UHRF2: variants seen among roughly 807,000 people sequenced by gnomAD.
The protein encoded by UHRF2 is E3 ubiquitin-protein ligase UHRF2.
A neutral mutation model predicts 96.8 loss-of-function variants in UHRF2; 23 were observed. The ratio of observed to expected loss-of-function variants is 0.24; its 90% CI spans 0.17 to 0.34. The LOEUF (loss-of-function observed/expected upper bound fraction) is 0.34. Ranked by LOEUF, UHRF2 falls within the 10% of genes least tolerant of loss-of-function variation. UHRF2 has a pLI of 1.00. For missense variants in UHRF2, 685 were observed against 981.5 expected, an observed-to-expected ratio of 0.70 and a Z score of 4.04; for synonymous variants, 385 against 332.6, an observed-to-expected ratio of 1.16 and a Z score of -1.72.
At position 6,499,992 on chromosome 9, in the gene UHRF2, G is replaced by T. The variant is rs566738089; in HGVS notation, c.2005+61G>T. 353 of 1,343,160 alleles carry T rather than the reference G, an allele frequency of 2.6e-4. No individual in the cohort carries two copies. In the African/African-American group the frequency reaches 4.5e-3, roughly 17 times the overall value. 83.2% of individuals were successfully genotyped at this position (1,343,160 alleles called of 1,614,324 possible). ...ATACTTTTGTTGTTGTTGTTGTTGAGACGGGGTCTCACTCTTGTCACCCAG... is the reference window on the plus strand; with the variant it reads ...ATACTTTTGTTGTTGTTGTTGTTGATACGGGGTCTCACTCTTGTCACCCAG... On this transcript the variant is annotated intron_variant, in intron 13 of 15. Transcript: ENST00000276893.
chr9:6,497,178 ACTT>A lies in UHRF2; in HGVS notation c.1605-16_1605-14del. On this transcript the variant is annotated splice_polypyrimidine_tract_variant and intron_variant, in intron 10 of 15. Transcript: ENST00000276893. ...TGAAGAAAAATTACATGGTATAAAG[ACTT>A]CTTTGTTGTTTTTTAGGGCATTGGC... The A allele has an allele frequency of 6.2e-7, 1 of 1,610,292 alleles. No homozygotes were observed. The highest frequency in any genetic ancestry group is 8.5e-7 in the Non-Finnish European group (1 of 1,178,528).
In UHRF2 at chr9:6,434,147, C is replaced by T. The variant is rs199593988; in HGVS notation, c.618C>T (p.Asp206=). Residue 206 remains aspartate, a synonymous_variant, in exon 3 of 16, where the codon GAC becomes GAT. Coordinates refer to ENST00000276893, the MANE Select transcript of UHRF2 (RefSeq NM_152896.3). ...SNSDCVAADE[D]VIYHIQYDEY... ...CAGACTGTGTTGCTGCTGATGAAGA[C>T]GTTATTTACCATATCCAGTATGATG... 1.3e-5 allele frequency: 21 copies of T among 1,613,852 alleles called. No individual in the cohort carries two copies. The African/African-American group carries it at 1.3e-4, about 10-fold the overall frequency.
intron 10 of UHRF2, chr9:6,495,827 T>G (rs1227268298): frequency 6.6e-6 from 1 of 152,224 alleles, no homozygotes; most frequent in Non-Finnish European, 1.5e-5. Context: ...AAGGTATCTG[T>G]GAGCATTAAA....
At chr9:6,500,434 C>A in intron 13 of UHRF2, 118 bp from the exon 14 acceptor site, 1 of 804,454 alleles carries the variant, frequency 1.2e-6, no homozygotes, top group Non-Finnish European at 1.8e-6. Context: ...AAATTAGATG[C>A]TGTTTTATGT....
At chr9:6,481,610 G>A (rs746988049) in intron 6 of UHRF2, 33 bp from the exon 7 acceptor site, 2 of 1,602,740 alleles carry the variant, frequency 1.2e-6, no homozygotes, top group Non-Finnish European at 1.7e-6. Context: ...ATGGTATTGT[G>A]AAAATGCCTT....
chr9:6,454,982 T>C (rs1822090607), intron 3 of UHRF2, among the ~76,000 whole-genome samples: 1 of 152,210 alleles, frequency 6.6e-6, no homozygotes, highest in Admixed American at 6.5e-5. Flanking sequence ...ATGATGTTGA[T>C]GCTGCTGATC....
intron 4 of UHRF2, among the ~76,000 whole-genome samples, chr9:6,471,770 G>A (rs1162221371): frequency 1.3e-5 from 2 of 152,134 alleles, no homozygotes; most frequent in African/African-American, 2.4e-5. Flanking sequence ...AGGGGCTAGA[G>A]TACTCTTTAA....
intron 10 of UHRF2, 24 bp from the exon 11 acceptor site, chr9:6,497,174 A>G (rs773109285): frequency 1.9e-6 from 3 of 1,609,892 alleles, no homozygotes; most frequent in East Asian, 2.2e-5. Context: ...TACATGGTAT[A>G]AAGACTTCTT....
intron 2 of UHRF2, among the ~76,000 whole-genome samples, chr9:6,428,564 T>G (rs1451137945): frequency 4.9e-5 from 4 of 81,576 alleles, no homozygotes; most frequent in Non-Finnish European, 6.9e-5. Flanking sequence ...TTTTTTTTTT[T>G]TTTTTTTGAA....
intron 3 of UHRF2, among the ~76,000 whole-genome samples, chr9:6,439,949 G>T (rs1383483161): frequency 6.6e-6 from 1 of 152,096 alleles, no homozygotes; most frequent in Non-Finnish European, 1.5e-5. Flanking sequence ...TAATGTAAAA[G>T]AAAAAAGGGA....
intron 9 of UHRF2, among the ~76,000 whole-genome samples, chr9:6,489,547 T>C (rs1205715363): frequency 1.3e-5 from 2 of 152,246 alleles, no homozygotes; most frequent in African/African-American, 4.8e-5. Flanking sequence ...ATATGAGTGA[T>C]CCAGTTTCTC....
At chr9:6,471,778 T>G (rs1823255943) in intron 4 of UHRF2, among the ~76,000 whole-genome samples, 1 of 152,312 alleles carries the variant, frequency 6.6e-6, no homozygotes, top group South Asian at 2.1e-4. Context: ...GAGTACTCTT[T>G]AAACTCTTTA....
At position 6,499,756 on chromosome 9, in the gene UHRF2, A is replaced by C. The variant is rs1343415666; in HGVS notation, c.1909-79A>C. 21 of 881,058 alleles carry C rather than the reference A, an allele frequency of 2.4e-5. No homozygotes were observed. In the Admixed American group the frequency reaches 5.0e-4, roughly 21 times the overall value. 54.6% of individuals were successfully genotyped at this position (881,058 alleles called of 1,614,324 possible). A position where few individuals can be genotyped will look rare whatever the true frequency, so the allele number is the denominator to read the frequency against. ...ACGTGTAGTCTTCCCCTCCCTTTTA[A>C]TTTCTCACCAGGATCTAAACCCCCC... On this transcript the variant is annotated intron_variant, in intron 12 of 15. Coordinates refer to ENST00000276893, the MANE Select transcript of UHRF2 (RefSeq NM_152896.3).
intron 3 of UHRF2, among the ~76,000 whole-genome samples, chr9:6,437,535 A>AT (rs1820923893): frequency 6.6e-6 from 1 of 152,110 alleles, no homozygotes; most frequent in Non-Finnish European, 1.5e-5. Flanking sequence ...ACCTGGCCAG[A>AT]TTTTTTTATT....
At chr9:6,460,415 C>G (rs1382372367) in intron 3 of UHRF2, among the ~76,000 whole-genome samples, 158 bp from the exon 4 acceptor site, 1 of 152,284 alleles carries the variant, frequency 6.6e-6, no homozygotes, top group African/African-American at 2.4e-5. Flanking sequence ...AGGTGAGAAA[C>G]CAACATGAAG....
At chr9:6,491,622 C>G (rs1157580645) in intron 9 of UHRF2, among the ~76,000 whole-genome samples, 1 of 152,186 alleles carries the variant, frequency 6.6e-6, no homozygotes. Flanking sequence ...AGGTCTTCCA[C>G]CTGATCTTGA....
chr9:6,419,155 T>A, intron 1 of UHRF2, among the ~76,000 whole-genome samples: 1 of 152,240 alleles, frequency 6.6e-6, no homozygotes. Flanking sequence ...GGGTTAGGAC[T>A]TTAACAAAAA....
intron 2 of UHRF2, among the ~76,000 whole-genome samples, chr9:6,429,411 G>T (rs921107014): frequency 1.3e-5 from 2 of 152,120 alleles, no homozygotes; most frequent in African/African-American, 4.8e-5. Context: ...AGGTTTTGTG[G>T]TTTTTTTGTT....
intron 1 of UHRF2, among the ~76,000 whole-genome samples, chr9:6,416,535 CTTTTTTT>C (rs60522189): frequency 1.5e-5 from 1 of 64,932 alleles, no homozygotes; most frequent in African/African-American, 6.2e-5. Context: ...ATCTCTAAAT[CTTTTTTT>C]TTTTTTTTTT....
Sources: allele counts gnomAD v4.1 joint callset (sites outside exome capture counted in the v4.1 genomes callset), GRCh38; gene constraint gnomAD v4.1.1; transcripts MANE v1.5; gene names NCBI Gene and HGNC (gene_info 2026-07-23, HGNC 2026-07-21).